The following FNTB variants were observed in gnomAD, a reference collection of about 807,000 sequenced individuals.
FNTB encodes the protein protein farnesyltransferase subunit beta.
In FNTB, 27 loss-of-function variants were observed where a neutral mutation model predicts 59.4. The observed-to-expected ratio is 0.45, with a 90% CI of 0.34 to 0.63. The LOEUF is 0.63. Ranked by LOEUF, FNTB falls within the 20% of genes least tolerant of loss-of-function variation. The pLI, the probability that FNTB is intolerant of heterozygous loss-of-function variation, is 0.02. For missense variants in FNTB, 449 were observed against 559.6 expected (o/e 0.80, Z 1.99); for synonymous variants, 230 against 220.7 (o/e 1.04, Z -0.37).
intron 2 of FNTB, among the ~76,000 whole-genome samples, chr14:65,008,615 A>G (rs2061632873): frequency 1.3e-5 from 2 of 152,240 alleles, no homozygotes; most frequent in African/African-American, 2.4e-5. Context: ...CTGTAGGTGG[A>G]ATAGGGGTGG....
intron 11 of FNTB, among the ~76,000 whole-genome samples, chr14:65,058,191 A>G: frequency 6.7e-6 from 1 of 148,308 alleles, no homozygotes; most frequent in East Asian, 2.0e-4. Flanking sequence ...ATTTATGAAC[A>G]TAATTTTTCT....
chr14:65,026,861 C>CAAAA (rs577920846), intron 4 of FNTB, among the ~76,000 whole-genome samples: 1 of 135,590 alleles, frequency 7.4e-6, no homozygotes. Context: ...AACCCCGCCT[C>CAAAA]AAAAAAAAAA....
chr14:65,045,034 C>T (rs1483115008), intron 9 of FNTB, among the ~76,000 whole-genome samples: 1 of 152,126 alleles, frequency 6.6e-6, no homozygotes, highest in Non-Finnish European at 1.5e-5. Context: ...TCCACCTGCA[C>T]CATTGGAGTA....
At chr14:65,051,715 C>A (rs1199927311) in intron 9 of FNTB, among the ~76,000 whole-genome samples, 1 of 151,656 alleles carries the variant, frequency 6.6e-6, no homozygotes, top group South Asian at 2.1e-4. Flanking sequence ...GAAATCTTTT[C>A]CCCCGTTTTT....
At position 65,014,225 on chromosome 14, in the gene FNTB, G is replaced by C. The variant is rs1229652664; in HGVS notation, c.283-1400G>C. Among the ~76,000 whole-genome samples the C allele has an allele frequency of 6.6e-6, 1 of 152,072 alleles. No homozygotes were observed. Among genetic ancestry groups the C allele is most frequent in the Non-Finnish European group, 1.5e-5 (1 of 68,026 alleles). On this transcript the variant is annotated intron_variant, in intron 3 of 11. Transcript: ENST00000246166. The surrounding 1 kb of genome is among the most constrained non-coding windows in gnomAD (Gnocchi z 5.1). Reference sequence around the variant, plus strand: ...TTATATATTTTAATTTATAAAACTGGGGCAGTACTCCTACCTACCCTGCCT... The same window carrying C: ...TTATATATTTTAATTTATAAAACTGCGGCAGTACTCCTACCTACCCTGCCT...
In FNTB at chr14:65,027,599, G is replaced by A; in HGVS notation, c.521G>A (p.Arg174Lys). Reference sequence around the variant, plus strand: ...GAGGAGGCCTATGACATCATTAACAGGTACAGTGAAAGCCAGCAGTGACAG... The same window carrying A: ...GAGGAGGCCTATGACATCATTAACAAGTACAGTGAAAGCCAGCAGTGACAG... ...GTEEAYDIIN[R>K]EKLLQYLYSL... Residue 174 changes from arginine to lysine, a missense_variant and splice_region_variant, in exon 5 of 12, where the codon AGA (arginine) becomes AAA (lysine). Arg to Lys is a conservative substitution (Grantham distance 26, BLOSUM62 2). Around this residue, in one of 2 missense-constraint regions of FNTB, gnomAD observed 337 missense variants for 479.1 expected, o/e 0.70. Transcript: ENST00000246166. The surrounding 1 kb of genome is among the most constrained non-coding windows in gnomAD (Gnocchi z 5.7). The A allele has an allele frequency of 6.2e-7, 1 of 1,614,178 alleles. No individual in the cohort carries two copies. Among genetic ancestry groups the A allele is most frequent in the Non-Finnish European group, 8.5e-7 (1 of 1,180,036 alleles).
Position 65,054,635 on chromosome 14 carries a change from C to T in FNTB, c.1128C>T (p.Phe376=), listed in dbSNP as rs201282021. ...GCGGCCTGTCCATAGCCCAGCACTT[C>T]GGCAGCGGAGCCATGTTGCATGATG... is the stretch of plus-strand genomic sequence containing the variant. The part of the protein sequence containing the change: ...CLSGLSIAQH[F]GSGAMLHDVV... The change falls in exon 11 of 12, where the codon TTC becomes TTT. Residue 376 remains phenylalanine, a synonymous_variant. Coordinates refer to ENST00000246166, the MANE Select transcript of FNTB (RefSeq NM_002028.4). The surrounding 1 kb of genome is among the most constrained non-coding windows in gnomAD (Gnocchi z 4.4). 8.1e-6 allele frequency: 13 copies of T among 1,613,800 alleles called. No homozygotes were observed. The highest frequency in any genetic ancestry group is 1.6e-4 in the Middle Eastern group (1 of 6,062).
intron 8 of FNTB, among the ~76,000 whole-genome samples, chr14:65,043,855 A>G (rs946014379): frequency 1.4e-5 from 2 of 144,522 alleles, no homozygotes; most frequent in Admixed American, 1.4e-4. Flanking sequence ...AAAAAAAAAA[A>G]AAAAAGAAAT....
Position 65,027,670 on chromosome 14 carries a change from C to G in FNTB, c.522-28C>G. 1 of 1,614,154 alleles carries G rather than the reference C, an allele frequency of 6.2e-7. No individual in the cohort carries two copies. Among genetic ancestry groups the G allele is most frequent in the Non-Finnish European group, 8.5e-7 (1 of 1,180,006 alleles). On this transcript the variant is annotated intron_variant, in intron 5 of 11. Transcript: ENST00000246166. The surrounding 1 kb of genome is among the most constrained non-coding windows in gnomAD (Gnocchi z 5.7). ...CCTGCTGACACGCACTGACTGTTGC[C>G]TCTCCTACCTCTTTCCCTGTTTCTC...
intron 11 of FNTB, among the ~76,000 whole-genome samples, chr14:65,058,349 TGTTAC>T (rs2062789242): frequency 6.6e-6 from 1 of 152,180 alleles, no homozygotes; most frequent in South Asian, 2.1e-4. Flanking sequence ...TGTAACTGTT[TGTTAC>T]TAGTGTATAG....
chr14:65,058,138 G>C (rs1191086680), intron 11 of FNTB, among the ~76,000 whole-genome samples: 2 of 151,720 alleles, frequency 1.3e-5, no homozygotes, highest in African/African-American at 4.8e-5. Flanking sequence ...TGTCTTCCCA[G>C]GAGTACAAAG....
At position 65,027,460 on chromosome 14, in the gene FNTB, C is replaced by A; in HGVS notation, c.382C>A (p.Gln128Lys). ...IPQIVATDVC[Q>K]FLELCQSPEG... is the part of the protein sequence containing the mutation. ...CTTTGGCTGTGTACCTAGTGTGTGT[C>A]AGTTCCTGGAGCTGTGTCAGAGCCC... The change falls in exon 5 of 12, where the codon CAG becomes AAG. Residue 128 changes from glutamine to lysine, a missense_variant. Around this residue, in one of 2 missense-constraint regions of FNTB, gnomAD observed 337 missense variants for 479.1 expected, o/e 0.70. Transcript: ENST00000246166. The surrounding 1 kb of genome is among the most constrained non-coding windows in gnomAD (Gnocchi z 5.7). The A allele has an allele frequency of 6.2e-7, 1 of 1,614,094 alleles. No homozygotes were observed. The highest frequency in any genetic ancestry group is 1.1e-5 in the South Asian group (1 of 91,058).
chr14:65,021,120 G>A (rs961132159), intron 4 of FNTB, among the ~76,000 whole-genome samples: 1 of 152,152 alleles, frequency 6.6e-6, no homozygotes, highest in Non-Finnish European at 1.5e-5. Flanking sequence ...AAGTACATTT[G>A]CTTTGCTTAA....
At chr14:65,045,680 T>C (rs1458491890) in intron 9 of FNTB, among the ~76,000 whole-genome samples, 5 of 152,160 alleles carry the variant, frequency 3.3e-5, no homozygotes, top group African/African-American at 1.2e-4. Context: ...CCTCCCAAAG[T>C]GCTGGGATTA....
intron 2 of FNTB, among the ~76,000 whole-genome samples, chr14:65,008,450 G>A (rs1055869112): frequency 5.3e-5 from 8 of 152,238 alleles, no homozygotes; most frequent in African/African-American, 1.9e-4. Flanking sequence ...CCCCTGCTGG[G>A]CTCTTGGTCT....
chr14:65,030,793 C>T lies in FNTB; in HGVS notation c.606-1817C>T, dbSNP rs576201827. Among the ~76,000 whole-genome samples the T allele has an allele frequency of 1.3e-5, 2 of 151,658 alleles. No individual in the cohort carries two copies. The highest frequency in any genetic ancestry group is 2.1e-4 in the South Asian group (1 of 4,804). On this transcript the variant is annotated intron_variant, in intron 6 of 11. Coordinates refer to ENST00000246166, the MANE Select transcript of FNTB (RefSeq NM_002028.4). This position sits in a 1 kb window ranked among gnomAD's most constrained non-coding sequence, Gnocchi z 4.5. ...CCCTTCTTTTATGTTTCTTAGGAGCCCTTAGGAATATACTTTTTGTTTGTT... is the reference window on the plus strand; with the variant it reads ...CCCTTCTTTTATGTTTCTTAGGAGCTCTTAGGAATATACTTTTTGTTTGTT...
Position 65,023,988 on chromosome 14 carries a change from G to A in FNTB, c.375-3465G>A, listed in dbSNP as rs957738065. Among the ~76,000 whole-genome samples the A allele has an allele frequency of 6.6e-5, 10 of 152,076 alleles. No homozygotes were observed. Among genetic ancestry groups the A allele is most frequent in the African/African-American group, 2.4e-4 (10 of 41,402 alleles). Reference sequence around the variant, plus strand: ...GTGGCGGCATGCACCTGTAGTCCCAGCTACTCGGGAGGCTGAGGGAGGAGA... The same window carrying A: ...GTGGCGGCATGCACCTGTAGTCCCAACTACTCGGGAGGCTGAGGGAGGAGA... On this transcript the variant is annotated intron_variant, in intron 4 of 11. Coordinates refer to ENST00000246166, the MANE Select transcript of FNTB (RefSeq NM_002028.4). This position sits in a 1 kb window ranked among gnomAD's most constrained non-coding sequence, Gnocchi z 4.1.
At position 65,012,240 on chromosome 14, in the gene FNTB, G is replaced by C. The variant is rs887016233; in HGVS notation, c.210-77G>C. ...CCTGAAGCTGAGTGTTTACCCGTGT[G>C]TGTGTACGTGCACATACGTGTGTAT... is the stretch of plus-strand genomic sequence containing the variant. On this transcript the variant is annotated intron_variant, in intron 2 of 11. Coordinates refer to ENST00000246166, the MANE Select transcript of FNTB (RefSeq NM_002028.4). The surrounding 1 kb of genome is among the most constrained non-coding windows in gnomAD (Gnocchi z 5.0). The C allele has an allele frequency of 1.9e-6, 3 of 1,575,460 alleles. No homozygotes were observed. In the Middle Eastern group the frequency reaches 5.0e-4, roughly 264 times the overall value.
At chr14:65,022,379 T>C (rs1228759395) in intron 4 of FNTB, among the ~76,000 whole-genome samples, 1 of 152,132 alleles carries the variant, frequency 6.6e-6, no homozygotes, top group Admixed American at 6.5e-5. Context: ...TAGCCTAGTC[T>C]AGTGCTGAAG....
Sources: gnomAD v4.1 joint callset for allele counts (sites outside exome capture counted in the v4.1 genomes callset) on GRCh38, gnomAD v4.1.1 for gene constraint, gnomAD v4.1.1 regional missense constraint, Gnocchi (gnomAD v3.1) non-coding constraint, MANE v1.5 for transcripts, NCBI Gene and HGNC (gene_info 2026-07-23, HGNC 2026-07-21) for gene names.